Variants in SHPK observed in about 807,000 individuals in gnomAD.
The protein encoded by SHPK is sedoheptulokinase, also known as carbohydrate kinase-like protein.
SHPK carries 51 observed loss-of-function variants against 46.3 expected under a neutral mutation model. That is an observed-to-expected ratio of 1.10 (90% CI 0.88 to 1.39). The LOEUF (loss-of-function observed/expected upper bound fraction) is 1.39, where lower values mean the gene tolerates loss of function less well. Ranked by LOEUF, SHPK falls within the 40% of genes most tolerant of loss-of-function variation. The pLI, the probability that SHPK is intolerant of heterozygous loss-of-function variation, is 0.00. For synonymous variants in SHPK, 290 were observed against 273.9 expected (o/e 1.06, Z -0.58); for missense variants, 668 against 641.3 (o/e 1.04, Z -0.45).
At chr17:3,622,495 G>T in intron 4 of SHPK, 1 of 698,856 alleles carries the variant, frequency 1.4e-6, no homozygotes, top group Non-Finnish European at 1.8e-6. Context: ...CTCAGGGTTA[G>T]TGAATGGGAA....
At position 3,630,115 on chromosome 17, in the gene SHPK, C is replaced by T. The variant is rs2075461212; in HGVS notation, c.310+90G>A. ...AGACCCTATTCCCACTGCAGGATAACCCGACCCTTCACAGAAAGCCCCGCA... is the reference window on the plus strand; with the variant it reads ...AGACCCTATTCCCACTGCAGGATAATCCGACCCTTCACAGAAAGCCCCGCA... On this transcript the variant is annotated intron_variant, in intron 2 of 6. Coordinates refer to ENST00000225519, the MANE Select transcript of SHPK (RefSeq NM_013276.4). The T allele has an allele frequency of 4.6e-6, 7 of 1,530,570 alleles. No homozygotes were observed. In the Admixed American group the frequency reaches 5.0e-5, roughly 11 times the overall value. 94.8% of individuals were successfully genotyped at this position (1,530,570 alleles called of 1,614,324 possible).
chr17:3,621,809 T>G (rs1213206596), intron 4 of SHPK, among the ~76,000 whole-genome samples: 17 of 134,608 alleles, frequency 1.3e-4, no homozygotes, highest in Non-Finnish European at 4.8e-5. Flanking sequence ...CACACCACCA[T>G]GCCCAGCTAA....
chr17:3,626,959 G>T (rs161370), intron 2 of SHPK, among the ~76,000 whole-genome samples: 117,900 of 152,110 alleles, frequency 0.78, 45,844 homozygotes, highest in African/African-American at 0.84. Context: ...TCGACATTAC[G>T]GAACATTTTG....
At chr17:3,625,260 C>T (rs1443252868) in intron 2 of SHPK, among the ~76,000 whole-genome samples, 5 of 152,186 alleles carry the variant, frequency 3.3e-5, no homozygotes, top group African/African-American at 1.2e-4. Flanking sequence ...ACTACTCCTC[C>T]CATTAAGAGG....
intron 5 of SHPK, among the ~76,000 whole-genome samples, chr17:3,618,829 T>C (rs1025824679): frequency 1.3e-5 from 2 of 152,174 alleles, no homozygotes; most frequent in Non-Finnish European, 2.9e-5. Context: ...AGATGGTTTA[T>C]ACTTTTTGGC....
Position 3,625,855 on chromosome 17 carries a change from C to G in SHPK, c.311-1624G>C, listed in dbSNP as rs369456759. On this transcript the variant is annotated intron_variant, in intron 2 of 6. Coordinates refer to ENST00000225519, the MANE Select transcript of SHPK (RefSeq NM_013276.4). The stretch of plus-strand genomic sequence containing the variant: ...ATCACCTGAGGTGAGGAGTTCGAGA[C>G]CAGCCTGGACAACATGGCGAAACCC... 4.6e-5 allele frequency among the ~76,000 whole-genome samples: 7 copies of G among 152,306 alleles called. No homozygotes were observed. The East Asian group carries it at 1.2e-3, about 25-fold the overall frequency.
rs549590195 is a variant in SHPK, at chr17:3,610,940, G to A, written c.1057C>T (p.Arg353Cys). 41 of 1,611,978 alleles carry A rather than the reference G, an allele frequency of 2.5e-5. No individual in the cohort carries two copies. Among genetic ancestry groups the A allele is most frequent in the Non-Finnish European group, 3.1e-5 (36 of 1,178,518 alleles). The change falls in exon 7 of 7, where the codon CGC becomes TGC. Residue 353 changes from arginine to cysteine, a missense_variant. Physicochemically the swap from Arg to Cys is radical, Grantham distance 180 (BLOSUM62 -3). Coordinates refer to ENST00000225519, the MANE Select transcript of SHPK (RefSeq NM_013276.4). ...LEVEESTVYS[R>C]MIQAAVQQRD... Reference sequence around the variant, plus strand: ...TGCTGCACAGCTGCCTGAATCATGCGTGAATACACAGTGGATTCTTCAACC... The same window carrying A: ...TGCTGCACAGCTGCCTGAATCATGCATGAATACACAGTGGATTCTTCAACC...
At chr17:3,623,546 T>A in intron 3 of SHPK, 55 bp from the exon 4 acceptor site, 2 of 1,574,620 alleles carry the variant, frequency 1.3e-6, no homozygotes, top group Non-Finnish European at 8.7e-7. Context: ...CGGAAGCATG[T>A]GCCGCACCTA....
chr17:3,629,259 C>T (rs570491628), intron 2 of SHPK, among the ~76,000 whole-genome samples: 2 of 152,172 alleles, frequency 1.3e-5, no homozygotes. Context: ...TGGGAATATC[C>T]GACGAGATCA....
At chr17:3,613,788 G>A (rs77986684) in intron 6 of SHPK, among the ~76,000 whole-genome samples, 252 of 152,074 alleles carry the variant, frequency 1.7e-3, no homozygotes, top group African/African-American at 5.5e-3. Flanking sequence ...GAACAACTCT[G>A]AGCTCAAGCA....
rs460716 is a variant in SHPK at position 3,608,514 on chromosome 17, A to G, written c.*2046T>C. 116,720 of 152,028 alleles carry G rather than the reference A, an allele frequency of 0.77. 45,232 individuals are homozygous for G. The highest frequency in any genetic ancestry group is 0.86 in the African/African-American group (35,750 of 41,484). 9.4% of individuals were successfully genotyped at this position (152,028 alleles called of 1,614,324 possible). A position where few individuals can be genotyped will look rare whatever the true frequency, so the allele number is the denominator to read the frequency against. ...GAGCATCTACGGCCTGGACGTGGGG[A>G]ACACAGGGACGGTTTGCATCCCAGA... On this transcript the variant is annotated 3_prime_UTR_variant, in exon 7 of 7. Transcript: ENST00000225519.
At chr17:3,627,882 T>G (rs1475421908) in intron 2 of SHPK, among the ~76,000 whole-genome samples, 3 of 151,916 alleles carry the variant, frequency 2.0e-5, no homozygotes, top group Non-Finnish European at 4.4e-5. Context: ...CTAGACTCCC[T>G]CTGAGAGGTT....
intron 1 of SHPK, among the ~76,000 whole-genome samples, chr17:3,630,683 T>G (rs1267376208): frequency 6.6e-6 from 1 of 152,134 alleles, no homozygotes; most frequent in East Asian, 1.9e-4. Context: ...AACAACATGA[T>G]GAAACCCCGT....
At chr17:3,619,566 C>T in intron 5 of SHPK, 1 of 446,942 alleles carries the variant, frequency 2.2e-6, no homozygotes, top group South Asian at 2.0e-5. Context: ...AACCCCGTGT[C>T]TACTAAAAAT....
intron 6 of SHPK, among the ~76,000 whole-genome samples, chr17:3,614,679 C>A (rs1031631439): frequency 1.3e-5 from 2 of 151,938 alleles, no homozygotes; most frequent in African/African-American, 4.8e-5. Context: ...AAAACCCCAT[C>A]TCTAGTAAAA....
In SHPK at chr17:3,615,505, C is replaced by G; in HGVS notation, c.856G>C (p.Ala286Pro). 1 of 1,614,190 alleles carries G rather than the reference C, an allele frequency of 6.2e-7. No homozygotes were observed. The highest frequency in any genetic ancestry group is 8.5e-7 in the Non-Finnish European group (1 of 1,180,030). Residue 286 changes from alanine (A) to proline (P), a missense_variant, in exon 6 of 7, where the codon GCC becomes CCC. Physicochemically the swap from Ala to Pro is conservative, Grantham distance 27 (BLOSUM62 -1). Transcript: ENST00000225519. ...LNISTSVQLA[A>P]SMPSGFQPAQ... ...GGCTGGAATCCTGAAGGCATGGAGGCTGCCAGCTGAACCGAGGTGCTGATG... is the reference window on the plus strand; with the variant it reads ...GGCTGGAATCCTGAAGGCATGGAGGGTGCCAGCTGAACCGAGGTGCTGATG...
At chr17:3,622,735 C>G (rs777997701) in intron 4 of SHPK, 1 of 253,644 alleles carries the variant, frequency 3.9e-6, no homozygotes, top group Non-Finnish European at 6.0e-6. Flanking sequence ...ACAAGAGTCT[C>G]GCTCTGTCCC....
chr17:3,621,442 AC>A, intron 4 of SHPK, 30 bp from the exon 5 acceptor site: 1 of 1,601,978 alleles, frequency 6.2e-7, no homozygotes, highest in South Asian at 1.1e-5. Flanking sequence ...ACCCACATGG[AC>A]CCACAGTTAG....
rs34873037 is a variant in SHPK at position 3,632,971 on chromosome 17, C to CTT, written c.169-2627_169-2626dup. 5.7e-3 allele frequency among the ~76,000 whole-genome samples: 467 copies of CTT among 81,700 alleles called. 1 individual carries two copies. Among genetic ancestry groups the CTT allele is most frequent in the Middle Eastern group, 8.3e-3 (1 of 120 alleles). The allele number at this position is 81,700 out of a possible 152,430, so 53.6% of individuals were successfully genotyped here. The stretch of plus-strand genomic sequence containing the variant: ...GAAAGAACACAGCCAGCAGATATTA[C>CTT]TTTTTTTTTTTTTTTTTTTTTTTTG... On this transcript the variant is annotated intron_variant, in intron 1 of 6. Coordinates refer to ENST00000225519, the MANE Select transcript of SHPK (RefSeq NM_013276.4).
Sources: allele counts gnomAD v4.1 joint callset (sites outside exome capture counted in the v4.1 genomes callset), GRCh38; gene constraint gnomAD v4.1.1; transcripts MANE v1.5; gene names NCBI Gene and HGNC (gene_info 2026-07-23, HGNC 2026-07-21).